The following NKAIN2 variants were observed in gnomAD, a reference collection of about 807,000 sequenced individuals.
NKAIN2 encodes sodium/potassium-transporting ATPase subunit beta-1-interacting protein 2.
NKAIN2 carries 14 observed loss-of-function variants against 32.6 expected under a neutral mutation model. The ratio of observed to expected loss-of-function variants is 0.43; its 90% CI spans 0.28 to 0.67. The LOEUF is 0.67. Ranked by LOEUF, NKAIN2 falls within the 30% of genes least tolerant of loss-of-function variation. The probability of loss-of-function intolerance (pLI) is 0.17; values close to 1 mark genes in which losing one functional copy is unlikely to be tolerated. For missense variants in NKAIN2, 198 were observed against 258.3 expected (o/e 0.77, Z 1.60); for synonymous variants, 80 against 87.2 (o/e 0.92, Z 0.46).
intron 1 of NKAIN2, among the ~76,000 whole-genome samples, chr6:124,009,460 C>G (rs983823524): frequency 2.0e-5 from 3 of 152,154 alleles, no homozygotes; most frequent in African/African-American, 7.2e-5. Flanking sequence ...ATTCCCTTCA[C>G]AAATACGTGA....
chr6:124,491,381 C>T (rs984224289), intron 3 of NKAIN2, among the ~76,000 whole-genome samples: 4 of 151,738 alleles, frequency 2.6e-5, no homozygotes, highest in Non-Finnish European at 5.9e-5. Context: ...GAGTAATTTA[C>T]CTTTGTGAAT....
chr6:124,614,475 C>T (rs1782808677), intron 3 of NKAIN2, among the ~76,000 whole-genome samples: 1 of 152,164 alleles, frequency 6.6e-6, no homozygotes, highest in Non-Finnish European at 1.5e-5. Flanking sequence ...TATCTTAAAT[C>T]TCTTAGTCTC....
chr6:124,569,908 G>A (rs1444888831), intron 3 of NKAIN2, among the ~76,000 whole-genome samples: 1 of 152,208 alleles, frequency 6.6e-6, no homozygotes, highest in Non-Finnish European at 1.5e-5. Context: ...GAAAATGTGG[G>A]AAGGTTTGGA....
At chr6:124,269,670 G>T (rs141837836) in intron 1 of NKAIN2, among the ~76,000 whole-genome samples, 1 of 151,758 alleles carries the variant, frequency 6.6e-6, no homozygotes, top group African/African-American at 2.4e-5. Context: ...GTTTCACCAT[G>T]TTGGCCAGGC....
rs1284856689 is a variant in NKAIN2, at chr6:124,278,621, T to TACACAC, written c.55-4380_55-4375dup. On this transcript the variant is annotated intron_variant, in intron 1 of 6. Transcript: ENST00000368417. The stretch of plus-strand genomic sequence containing the variant: ...ATATATATACATACACACACGTACA[T>TACACAC]ACACACACAAACACACATATACATA... 4.9e-5 allele frequency among the ~76,000 whole-genome samples: 6 copies of TACACAC among 123,148 alleles called. No individual in the cohort carries two copies. In the South Asian group the frequency reaches 1.7e-3, roughly 34 times the overall value. 80.8% of individuals were successfully genotyped at this position (123,148 alleles called of 152,430 possible).
intron 6 of NKAIN2, chr6:124,819,081 T>G (rs1781288375): frequency 1.1e-6 from 1 of 897,308 alleles, no homozygotes; most frequent in Admixed American, 6.2e-5. Context: ...TATATCTGTG[T>G]TTAGGCAAAT....
intron 3 of NKAIN2, among the ~76,000 whole-genome samples, chr6:124,486,193 A>G (rs1052583746): frequency 1.3e-5 from 2 of 152,218 alleles, no homozygotes; most frequent in Admixed American, 6.5e-5. Context: ...TGTTTTTTCT[A>G]AAACTCTTGT....
At chr6:124,789,586 A>G (rs1779652516) in intron 4 of NKAIN2, among the ~76,000 whole-genome samples, 1 of 151,770 alleles carries the variant, frequency 6.6e-6, no homozygotes, top group African/African-American at 2.4e-5. Flanking sequence ...TATAATCTCT[A>G]TTTTTCCAGT....
chr6:124,307,378 A>T (rs925607966), intron 2 of NKAIN2, among the ~76,000 whole-genome samples: 2 of 152,188 alleles, frequency 1.3e-5, no homozygotes, highest in Non-Finnish European at 2.9e-5. Context: ...TTTATTGTGT[A>T]TTTCTTATTC....
chr6:124,670,045 C>T (rs1000612154), intron 4 of NKAIN2, among the ~76,000 whole-genome samples: 4 of 152,042 alleles, frequency 2.6e-5, no homozygotes, highest in Admixed American at 1.3e-4. Flanking sequence ...CAAAAGTAAT[C>T]GCAGTTTTGC....
chr6:124,511,659 C>G (rs1778718654), intron 3 of NKAIN2, among the ~76,000 whole-genome samples: 2 of 152,124 alleles, frequency 1.3e-5, no homozygotes, highest in Non-Finnish European at 2.9e-5. Flanking sequence ...TAAGTCATCA[C>G]TTTTCTAGGT....
At chr6:124,122,615 G>A in intron 1 of NKAIN2, among the ~76,000 whole-genome samples, 1 of 152,028 alleles carries the variant, frequency 6.6e-6, no homozygotes, top group East Asian at 1.9e-4. Context: ...AAAGGAAATT[G>A]TACAAATTCC....
chr6:124,302,075 T>C (rs1208096219), intron 2 of NKAIN2, among the ~76,000 whole-genome samples: 1 of 152,150 alleles, frequency 6.6e-6, no homozygotes, highest in African/African-American at 2.4e-5. Flanking sequence ...AACTGAATCA[T>C]GGGGGCCACT....
At chr6:124,703,576 A>T (rs1292649605) in intron 4 of NKAIN2, among the ~76,000 whole-genome samples, 1 of 152,072 alleles carries the variant, frequency 6.6e-6, no homozygotes, top group Non-Finnish European at 1.5e-5. Flanking sequence ...AAGGAAAAAA[A>T]GATACCCAGA....
Position 124,154,307 on chromosome 6 carries a change from G to A in NKAIN2, c.55-128698G>A, listed in dbSNP as rs116884324. ...ATCAAAGAAATGTTTCTCAAGTCAT[G>A]AGACTGTAAAACTTCTCTGTCACTC... is the stretch of plus-strand genomic sequence containing the variant. On this transcript the variant is annotated intron_variant, in intron 1 of 6. Transcript: ENST00000368417. Among the ~76,000 whole-genome samples the A allele has an allele frequency of 8.3e-3, 1,254 of 151,938 alleles. 11 individuals carry two copies. The highest frequency in any genetic ancestry group is 0.014 in the Non-Finnish European group (967 of 67,754).
chr6:124,528,934 A>G (rs1173463597), intron 3 of NKAIN2, among the ~76,000 whole-genome samples: 1 of 152,214 alleles, frequency 6.6e-6, no homozygotes, highest in Non-Finnish European at 1.5e-5. Context: ...GGTTTCAGTT[A>G]GAAACATTTA....
chr6:124,213,587 A>G (rs1224040228), intron 1 of NKAIN2, among the ~76,000 whole-genome samples: 1 of 152,120 alleles, frequency 6.6e-6, no homozygotes, highest in Non-Finnish European at 1.5e-5. Context: ...GAAATCTTCA[A>G]ATTAAGTTCC....
intron 1 of NKAIN2, among the ~76,000 whole-genome samples, chr6:124,153,302 G>A (rs767672516): frequency 2.0e-5 from 3 of 151,568 alleles, no homozygotes; most frequent in Admixed American, 6.6e-5. Context: ...AATATAAAAA[G>A]CAGATCTCTA....
chr6:124,580,275 G>A (rs1054637542), intron 3 of NKAIN2, among the ~76,000 whole-genome samples: 3 of 152,148 alleles, frequency 2.0e-5, no homozygotes, highest in African/African-American at 7.2e-5. Context: ...ATTAAAAATA[G>A]TAACTACAAC....
Sources: gnomAD v4.1 joint callset for allele counts (sites outside exome capture counted in the v4.1 genomes callset) on GRCh38, gnomAD v4.1.1 for gene constraint, MANE v1.5 for transcripts, NCBI Gene and HGNC (gene_info 2026-07-23, HGNC 2026-07-21) for gene names.